The following DNAJC13 variants were observed in gnomAD, a reference collection of about 807,000 sequenced individuals.
DNAJC13 encodes dnaJ homolog subfamily C member 13.
In DNAJC13, 75 loss-of-function variants were observed where a neutral mutation model predicts 290.5. The observed-to-expected ratio is 0.26, with a 90% CI of 0.21 to 0.31. The LOEUF (loss-of-function observed/expected upper bound fraction) is 0.31. Ranked by LOEUF, DNAJC13 falls within the 10% of genes least tolerant of loss-of-function variation. The pLI, the probability that DNAJC13 is intolerant of heterozygous loss-of-function variation, is 1.00. For synonymous variants in DNAJC13, 862 were observed against 892.0 expected (o/e 0.97, Z 0.60); for missense variants, 2,260 against 2,674.5 (o/e 0.85, Z 3.42).
intron 42 of DNAJC13, among the ~76,000 whole-genome samples, chr3:132,506,555 T>C (rs1282540659): frequency 3.2e-5 from 4 of 126,342 alleles, no homozygotes; most frequent in African/African-American, 9.4e-5. Flanking sequence ...TTTTTTTTTT[T>C]TTTTTTTTTT....
At chr3:132,432,050 G>A (rs1559866048) in intron 1 of DNAJC13, among the ~76,000 whole-genome samples, 4 of 152,066 alleles carry the variant, frequency 2.6e-5, no homozygotes, top group Admixed American at 2.6e-4. Flanking sequence ...TTTTTTTTCT[G>A]AAAAGTTTTT....
chr3:132,529,299 C>T lies in DNAJC13; in HGVS notation c.6525+967C>T, dbSNP rs147917721. Among the ~76,000 whole-genome samples, 26 of 152,216 alleles carry T rather than the reference C, an allele frequency of 1.7e-4. No individual in the cohort carries two copies. The East Asian group carries it at 4.2e-3, about 25-fold the overall frequency. The stretch of plus-strand genomic sequence containing the variant: ...TTTTATGTCTAAATATGTCATTGTA[C>T]GTAAATGCTCCAATTTGTTTATCCA... On this transcript the variant is annotated intron_variant, in intron 54 of 55. Transcript: ENST00000260818.
At chr3:132,496,439 T>A in intron 35 of DNAJC13, 89 bp from the exon 36 acceptor site, 1 of 1,159,056 alleles carries the variant, frequency 8.6e-7, no homozygotes, top group Non-Finnish European at 1.2e-6. Context: ...ATAGCTAAAG[T>A]TACTGATAAA....
chr3:132,450,556 T>C, intron 5 of DNAJC13, 91 bp from the exon 6 acceptor site: 1 of 815,040 alleles, frequency 1.2e-6, no homozygotes. Flanking sequence ...GTTAGATTTT[T>C]GGTCGTTTCA....
In DNAJC13 at chr3:132,443,257, A is replaced by T. The variant is rs373299255; in HGVS notation, c.69-3218A>T. On this transcript the variant is annotated intron_variant, in intron 2 of 55. Transcript: ENST00000260818. ...AGCCTCTGCCTCCTGGGTTCAAGCA[A>T]TTCTCCTGCCTCAGCCTCCTGAGTA... Among the ~76,000 whole-genome samples the T allele has an allele frequency of 2.0e-3, 304 of 152,274 alleles. 1 individual carries two copies. The highest frequency in any genetic ancestry group is 7.1e-3 in the African/African-American group (294 of 41,570).
At chr3:132,514,921 T>TCACC in intron 46 of DNAJC13, 1 of 194,548 alleles carries the variant, frequency 5.1e-6, no homozygotes, top group Non-Finnish European at 9.2e-6. Flanking sequence ...TTCAGTTTGT[T>TCACC]GAGATCTACA....
chr3:132,447,839 G>T, intron 4 of DNAJC13, 59 bp from the exon 5 acceptor site: 1 of 1,406,478 alleles, frequency 7.1e-7, no homozygotes, highest in Non-Finnish European at 1.0e-6. Flanking sequence ...AGAAGGGAGT[G>T]AGCCAAGTTT....
chr3:132,446,494 G>A lies in DNAJC13; in HGVS notation c.88G>A (p.Val30Ile). ...WRGKYKRVFS[V>I]GTHAITTYNP... is the part of the protein sequence containing the mutation. The stretch of plus-strand genomic sequence containing the variant: ...TTGTAGGTATAAGCGTGTCTTTTCA[G>A]TTGGAACTCATGCGATTACTACATA... The change falls in exon 3 of 56, where the codon GTT becomes ATT. Residue 30 changes from valine to isoleucine, a missense_variant. Around this residue, in one of 3 missense-constraint regions of DNAJC13, gnomAD observed 762 missense variants for 964.1 expected, o/e 0.79. Coordinates refer to ENST00000260818, the MANE Select transcript of DNAJC13 (RefSeq NM_015268.4). 3 of 1,607,744 alleles carry A rather than the reference G, an allele frequency of 1.9e-6. No individual in the cohort carries two copies. Among genetic ancestry groups the A allele is most frequent in the Non-Finnish European group, 2.5e-6 (3 of 1,177,914 alleles).
intron 29 of DNAJC13, among the ~76,000 whole-genome samples, chr3:132,486,208 A>G (rs976726090): frequency 7.3e-5 from 11 of 150,704 alleles, no homozygotes; most frequent in Non-Finnish European, 1.5e-4. Context: ...AAGCACTGCA[A>G]TTATTGAGGG....
At chr3:132,492,152 T>A (rs1343666547) in intron 32 of DNAJC13, among the ~76,000 whole-genome samples, 1 of 152,178 alleles carries the variant, frequency 6.6e-6, no homozygotes, top group East Asian at 1.9e-4. Context: ...GCCCTTCTAA[T>A]GGCTGATTTT....
In DNAJC13 at chr3:132,488,369, C is replaced by T. The variant is rs774127208; in HGVS notation, c.3339C>T (p.Asn1113=). The change falls in exon 30 of 56, where the codon AAC becomes AAT. Residue 1113 remains asparagine (N), a synonymous_variant. Transcript: ENST00000260818. ...AILLYHIMQD[N]PQLPRLYLSG... is the part of the protein sequence containing the mutation. The stretch of plus-strand genomic sequence containing the variant: ...TGTTATACCATATCATGCAAGATAA[C>T]CCACAGTTACCCCGCCTTTATCTGA... The T allele has an allele frequency of 3.1e-6, 5 of 1,613,580 alleles. 1 individual carries two copies. In the South Asian group the frequency reaches 5.5e-5, roughly 18 times the overall value.
At chr3:132,433,201 T>TA (rs915805920) in intron 1 of DNAJC13, among the ~76,000 whole-genome samples, 45 of 152,326 alleles carry the variant, frequency 3.0e-4, no homozygotes, top group Admixed American at 2.5e-3. Context: ...TTAGATTTCT[T>TA]ACTGTGGACC....
chr3:132,461,008 C>A, intron 14 of DNAJC13, 42 bp from the exon 15 acceptor site: 1 of 1,575,048 alleles, frequency 6.3e-7, no homozygotes, highest in Non-Finnish European at 8.7e-7. Context: ...CTGAAGGTCC[C>A]CATCTCTTAA....
In DNAJC13 at chr3:132,456,321, G is replaced by C. The variant is rs1478213349; in HGVS notation, c.1019G>C (p.Gly340Ala). ...VCVKMTPTHK[G>A]QRWGLLSMPV... is the part of the protein sequence containing the mutation. The stretch of plus-strand genomic sequence containing the variant: ...GTAAAAATGACACCAACCCATAAAG[G>C]TCAGCGATGGGGGTTACTCAGCATG... Residue 340 changes from glycine (G) to alanine (A), a missense_variant, in exon 10 of 56, where the codon GGT (glycine) becomes GCT (alanine). Around this residue, in one of 3 missense-constraint regions of DNAJC13, gnomAD observed 762 missense variants for 964.1 expected, o/e 0.79. Coordinates refer to ENST00000260818, the MANE Select transcript of DNAJC13 (RefSeq NM_015268.4). 1.4e-5 allele frequency: 22 copies of C among 1,613,840 alleles called. No individual in the cohort carries two copies. Among genetic ancestry groups the C allele is most frequent in the Non-Finnish European group, 1.9e-5 (22 of 1,179,900 alleles).
intron 55 of DNAJC13, 73 bp downstream of exon 55, chr3:132,531,170 G>C (rs1936404168): frequency 7.6e-7 from 1 of 1,318,178 alleles, no homozygotes; most frequent in African/African-American, 1.5e-5. Context: ...GCCCTAAATA[G>C]ACTTAAAATT....
chr3:132,539,031 GAT>G (rs1217842050), exon 56 of DNAJC13: 1 of 152,686 alleles, frequency 6.5e-6, no homozygotes, highest in Admixed American at 6.5e-5. Context: ...TTGTTAATGA[GAT>G]ATATTTGTTC....
chr3:132,470,647 C>T (rs1347606464), intron 20 of DNAJC13, among the ~76,000 whole-genome samples: 3 of 131,516 alleles, frequency 2.3e-5, no homozygotes, highest in Non-Finnish European at 4.9e-5. Context: ...CCGGACGGGG[C>T]GGCTGGCCGG....
At position 132,460,356 on chromosome 3, in the gene DNAJC13, T is replaced by A; in HGVS notation, c.1556T>A (p.Val519Glu). 1 of 1,588,758 alleles carries A rather than the reference T, an allele frequency of 6.3e-7. No homozygotes were observed. The highest frequency in any genetic ancestry group is 8.6e-7 in the Non-Finnish European group (1 of 1,157,970). ...ENLLEKFNSH[V>E]DHGTGALVIS... ...TTACTGGAGAAATTTAATTCCCATG[T>A]GGTAAGTTATAATTAAATTTGTCTT... is the stretch of plus-strand genomic sequence containing the variant. The change falls in exon 14 of 56, where the codon GTG becomes GAG. Residue 519 changes from valine (V) to glutamate (E), a missense_variant and splice_region_variant. By Grantham distance (121) the Val-to-Glu change is moderately radical. Transcript: ENST00000260818.
At chr3:132,432,138 C>T (rs1939255625) in intron 1 of DNAJC13, among the ~76,000 whole-genome samples, 1 of 152,208 alleles carries the variant, frequency 6.6e-6, no homozygotes, top group Admixed American at 6.5e-5. Context: ...AGAATTCCAA[C>T]TATTCAGTTT....
Sources: gnomAD v4.1 joint callset for allele counts (sites outside exome capture counted in the v4.1 genomes callset) on GRCh38, gnomAD v4.1.1 for gene constraint, gnomAD v4.1.1 regional missense constraint, MANE v1.5 for transcripts, NCBI Gene and HGNC (gene_info 2026-07-23, HGNC 2026-07-21) for gene names.